WIF1: variants seen among roughly 807,000 people sequenced by gnomAD.
WIF1 encodes the protein Wnt inhibitory factor 1.
A neutral mutation model predicts 53.5 loss-of-function variants in WIF1; 35 were observed. The observed-to-expected ratio is 0.65, with a 90% CI of 0.50 to 0.87. The LOEUF is 0.87. Ranked by LOEUF, WIF1 falls within the 40% of genes least tolerant of loss-of-function variation. The probability of loss-of-function intolerance (pLI) is 0.00; values close to 1 mark genes in which losing one functional copy is unlikely to be tolerated. For synonymous variants in WIF1, 171 were observed against 170.4 expected, an observed-to-expected ratio of 1.00 and a Z score of -0.03; for missense variants, 467 against 476.8, an observed-to-expected ratio of 0.98 and a Z score of 0.19.
At chr12:65,096,296 A>C (rs1045901125) in intron 2 of WIF1, among the ~76,000 whole-genome samples, 1 of 152,218 alleles carries the variant, frequency 6.6e-6, no homozygotes, top group Non-Finnish European at 1.5e-5. Flanking sequence ...AGAGAAATGC[A>C]AACCAAAACC....
chr12:65,098,532 T>C (rs772778565), intron 2 of WIF1, among the ~76,000 whole-genome samples: 2 of 152,158 alleles, frequency 1.3e-5, no homozygotes, highest in Non-Finnish European at 2.9e-5. Context: ...GTTTTGCTAT[T>C]GTTCAATACC....
intron 2 of WIF1, among the ~76,000 whole-genome samples, chr12:65,098,538 A>G (rs1208505855): frequency 6.6e-6 from 1 of 152,162 alleles, no homozygotes; most frequent in East Asian, 1.9e-4. Flanking sequence ...CTATTGTTCA[A>G]TACCTACTAT....
At chr12:65,118,201 T>C (rs1883541137) in intron 2 of WIF1, among the ~76,000 whole-genome samples, 2 of 152,250 alleles carry the variant, frequency 1.3e-5, no homozygotes, top group African/African-American at 4.8e-5. Flanking sequence ...TTGGATGAAA[T>C]AATCAGATAA....
intron 2 of WIF1, among the ~76,000 whole-genome samples, chr12:65,115,751 G>T (rs897864175): frequency 1.3e-5 from 2 of 152,162 alleles, no homozygotes; most frequent in African/African-American, 4.8e-5. Context: ...GTTAAATGGA[G>T]GCAAAGTTGT....
Position 65,109,834 on chromosome 12 carries a change from T to G in WIF1, c.288+10583A>C, listed in dbSNP as rs531362228. 4.5e-4 allele frequency among the ~76,000 whole-genome samples: 68 copies of G among 151,838 alleles called. 1 individual carries two copies. In the South Asian group the frequency reaches 0.014, roughly 32 times the overall value. On this transcript the variant is annotated intron_variant, in intron 2 of 9. Transcript: ENST00000286574. ...GCCTGTCTCAGGGTTACTATGAAGA[T>G]TCACTGAAGATTCACTGTAAAGCAC...
chr12:65,079,770 C>A (rs1384411627), intron 2 of WIF1, among the ~76,000 whole-genome samples: 1 of 151,982 alleles, frequency 6.6e-6, no homozygotes, highest in African/African-American at 2.4e-5. Flanking sequence ...GTAGAGACAT[C>A]CAGAATTACA....
intron 2 of WIF1, among the ~76,000 whole-genome samples, chr12:65,119,276 T>C (rs1883560132): frequency 6.6e-6 from 1 of 152,080 alleles, no homozygotes; most frequent in Non-Finnish European, 1.5e-5. Flanking sequence ...AAAATGGGGG[T>C]ATTAACAATA....
intron 2 of WIF1, among the ~76,000 whole-genome samples, chr12:65,098,615 C>A (rs1883238375): frequency 6.6e-6 from 1 of 152,104 alleles, no homozygotes; most frequent in Admixed American, 6.6e-5. Context: ...GTGCTTGCAA[C>A]TAGCCCACTC....
At chr12:65,062,024 T>G (rs930574067) in intron 7 of WIF1, among the ~76,000 whole-genome samples, 2 of 152,228 alleles carry the variant, frequency 1.3e-5, no homozygotes, top group Non-Finnish European at 2.9e-5. Context: ...TTCTCGTTTT[T>G]CTTGAGTCTA....
intron 2 of WIF1, among the ~76,000 whole-genome samples, chr12:65,107,301 A>T (rs1366059846): frequency 6.6e-6 from 1 of 152,206 alleles, no homozygotes; most frequent in Non-Finnish European, 1.5e-5. Flanking sequence ...CTACATGTCT[A>T]TTGGGATCCA....
chr12:65,076,524 T>A (rs1370752556), intron 3 of WIF1, among the ~76,000 whole-genome samples: 1 of 152,212 alleles, frequency 6.6e-6, no homozygotes, highest in Admixed American at 6.5e-5. Context: ...TCATAGTTCC[T>A]ATCATTTGAC....
rs1882730716 is a variant in WIF1, at chr12:65,068,898, T to C, written c.404A>G (p.Gln135Arg). The C allele has an allele frequency of 3.1e-6, 5 of 1,612,166 alleles. No homozygotes were observed. The highest frequency in any genetic ancestry group is 4.2e-6 in the Non-Finnish European group (5 of 1,179,290). Residue 135 changes from glutamine to arginine, a missense_variant, in exon 4 of 10, where the codon CAA becomes CGA. By Grantham distance (43) the Gln-to-Arg change is conservative (BLOSUM62 1). Coordinates refer to ENST00000286574, the MANE Select transcript of WIF1 (RefSeq NM_007191.5). Reference sequence around the variant, plus strand: ...TTTTCCAAGACATGGGAAACCAACTTGAACAACTAAAAGAAAAAAAGAGAA... The same window carrying C: ...TTTTCCAAGACATGGGAAACCAACTCGAACAACTAAAAGAAAAAAAGAGAA... ...GTVPHKASVVQVGFPCLGKQD... is the reference protein window; with the variant it reads ...GTVPHKASVVRVGFPCLGKQD...
At chr12:65,058,090 C>T (rs984137886) in intron 7 of WIF1, among the ~76,000 whole-genome samples, 4 of 57,168 alleles carry the variant, frequency 7.0e-5, no homozygotes, top group Admixed American at 4.5e-4. Flanking sequence ...AAAAGAAGGT[C>T]CTTTTTTTTT....
At chr12:65,073,406 G>A (rs1426077108) in intron 3 of WIF1, among the ~76,000 whole-genome samples, 1 of 152,150 alleles carries the variant, frequency 6.6e-6, no homozygotes, top group African/African-American at 2.4e-5. Context: ...TGGTTTCATG[G>A]TCAGAAAAAG....
At chr12:65,087,627 A>G (rs780114445) in intron 2 of WIF1, among the ~76,000 whole-genome samples, 18 of 152,178 alleles carry the variant, frequency 1.2e-4, no homozygotes, top group Non-Finnish European at 2.2e-4. Flanking sequence ...TGATTTAAAA[A>G]AAAGGAGGAA....
At position 65,077,782 on chromosome 12, in the gene WIF1, C is replaced by T. The variant is rs200005354; in HGVS notation, c.361G>A (p.Val121Ile). The T allele has an allele frequency of 6.9e-5, 112 of 1,613,770 alleles. No individual in the cohort carries two copies. The highest frequency in any genetic ancestry group is 8.9e-5 in the Non-Finnish European group (105 of 1,179,854). ...TGAGGCACTGTTCCCAGCAGAGGGA[C>T]ATTGACGGTTGGATCTGCCATGATG... is the stretch of plus-strand genomic sequence containing the variant. ...KGIMADPTVN[V>I]PLLGTVPHKA... The change falls in exon 3 of 10, where the codon GTC becomes ATC. Residue 121 changes from valine (V) to isoleucine (I), a missense_variant. By Grantham distance (29) the Val-to-Ile change is conservative. Transcript: ENST00000286574.
intron 6 of WIF1, among the ~76,000 whole-genome samples, chr12:65,066,227 T>G (rs896228647): frequency 1.3e-5 from 2 of 152,118 alleles, no homozygotes; most frequent in Non-Finnish European, 2.9e-5. Context: ...ATGGAATAGG[T>G]GTGGAAGTTT....
chr12:65,075,254 C>CA (rs1158253919), intron 3 of WIF1, among the ~76,000 whole-genome samples: 1 of 152,178 alleles, frequency 6.6e-6, no homozygotes, highest in Non-Finnish European at 1.5e-5. Flanking sequence ...CACTGGAATG[C>CA]AACAAGGCAG....
intron 3 of WIF1, among the ~76,000 whole-genome samples, chr12:65,074,890 C>T (rs552226821): frequency 6.7e-6 from 1 of 150,342 alleles, no homozygotes; most frequent in Non-Finnish European, 1.5e-5. Context: ...TGTGACAGGG[C>T]ATGAGATTGA....
Sources: allele counts gnomAD v4.1 joint callset (sites outside exome capture counted in the v4.1 genomes callset), GRCh38; gene constraint gnomAD v4.1.1; transcripts MANE v1.5; gene names NCBI Gene and HGNC (gene_info 2026-07-23, HGNC 2026-07-21).